Variants in TEX36 observed in about 807,000 individuals in gnomAD.
TEX36 encodes the protein testis expressed 36, also known as testis-expressed protein 36.
In TEX36, 12 loss-of-function variants were observed where a neutral mutation model predicts 13.6. That is an observed-to-expected ratio of 0.88 (90% confidence interval 0.56 to 1.43). The LOEUF (loss-of-function observed/expected upper bound fraction) is 1.43. TEX36 is among the 40% of genes most tolerant of loss of function. The pLI is 0.00. For synonymous variants in TEX36, 93 were observed against 83.0 expected, an observed-to-expected ratio of 1.12 and a Z score of -0.65; for missense variants, 224 against 228.3, an observed-to-expected ratio of 0.98 and a Z score of 0.12.
intron 3 of TEX36, among the ~76,000 whole-genome samples, chr10:125,641,295 T>C (rs1846688607): frequency 6.6e-6 from 1 of 152,236 alleles, no homozygotes; most frequent in East Asian, 1.9e-4. Flanking sequence ...GTCATGGTCC[T>C]AAATGCTAAA....
intron 3 of TEX36, among the ~76,000 whole-genome samples, chr10:125,632,067 A>G (rs966156224): frequency 2.6e-5 from 4 of 152,104 alleles, no homozygotes; most frequent in African/African-American, 9.7e-5. Flanking sequence ...GGGAAGAAGG[A>G]AATGACGAAA....
At chr10:125,667,254 G>A in intron 1 of TEX36, 1 of 626,498 alleles carries the variant, frequency 1.6e-6, no homozygotes, top group African/African-American at 1.8e-5. Context: ...GGGTGACCAT[G>A]CTGGGGTTCA....
chr10:125,606,309 T>C (rs1457106663), intron 3 of TEX36, among the ~76,000 whole-genome samples: 1 of 152,252 alleles, frequency 6.6e-6, no homozygotes, highest in East Asian at 1.9e-4. Context: ...AGACCACATC[T>C]TCCTTTCTGT....
chr10:125,659,484 G>A lies in TEX36; in HGVS notation c.264+1537C>T, dbSNP rs142996230. On this transcript the variant is annotated intron_variant, in intron 3 of 3. Transcript: ENST00000368821. ...TTTATTTTTAATTTTATACAATTCT[G>A]TATGATTTCAGTTTTTTAAAGGACA... Among the ~76,000 whole-genome samples, 79 of 152,282 alleles carry A rather than the reference G, an allele frequency of 5.2e-4. 1 individual carries two copies. In the East Asian group the frequency reaches 0.013, roughly 26 times the overall value.
intron 3 of TEX36, among the ~76,000 whole-genome samples, chr10:125,623,120 T>C (rs1589759376): frequency 6.6e-6 from 1 of 152,324 alleles, no homozygotes; most frequent in African/African-American, 2.4e-5. Flanking sequence ...ATTCAGAGTA[T>C]ACACAGCCTT....
intron 3 of TEX36, among the ~76,000 whole-genome samples, chr10:125,607,039 A>G (rs906255467): frequency 6.6e-6 from 1 of 152,208 alleles, no homozygotes; most frequent in African/African-American, 2.4e-5. Context: ...CTTCATTCAC[A>G]TGCAAATGCT....
chr10:125,621,652 A>G (rs1416520271), intron 3 of TEX36: 1 of 455,910 alleles, frequency 2.2e-6, no homozygotes, highest in Non-Finnish European at 4.4e-6. Flanking sequence ...CAAACTGGGA[A>G]AGAGAAAAGC....
Position 125,656,210 on chromosome 10 carries a change from T to A in TEX36, c.265-14A>T. ...ACGTCCCAGGCCCTGGAGAGAAGAA[T>A]TACAAGATTCGAAGGAAAATATTCA... On this transcript the variant is annotated splice_polypyrimidine_tract_variant and intron_variant, in intron 3 of 3. Transcript: ENST00000368821. 1 of 1,399,530 alleles carries A rather than the reference T, an allele frequency of 7.1e-7. No homozygotes were observed. Among genetic ancestry groups the A allele is most frequent in the East Asian group, 2.7e-5 (1 of 37,720 alleles). The allele number at this position is 1,399,530 out of a possible 1,614,324, so 86.7% of individuals were successfully genotyped here.
At chr10:125,632,994 T>C (rs1315719691) in intron 3 of TEX36, among the ~76,000 whole-genome samples, 2 of 152,080 alleles carry the variant, frequency 1.3e-5, no homozygotes, top group African/African-American at 4.8e-5. Flanking sequence ...CGTAGTGTCA[T>C]ACGCCTGTAA....
chr10:125,661,949 G>A lies in TEX36; in HGVS notation c.80C>T (p.Thr27Ile). The A allele has an allele frequency of 6.4e-7, 1 of 1,552,368 alleles. No homozygotes were observed. Among genetic ancestry groups the A allele is most frequent in the East Asian group, 2.4e-5 (1 of 40,928 alleles). The change falls in exon 2 of 4, where the codon ACA becomes ATA. Residue 27 changes from threonine to isoleucine, a missense_variant. By Grantham distance (89) the Thr-to-Ile change is moderately conservative (BLOSUM62 -1). Coordinates refer to ENST00000368821, the MANE Select transcript of TEX36 (RefSeq NM_001128202.3). ...WFPHIGLTQK[T>I]PESITSATSK... ...CGTAGCACTGGTGATGGATTCTGGT[G>A]TCTTTTGCGTTAGCCCGATGTGAGG... is the stretch of plus-strand genomic sequence containing the variant.
chr10:125,629,798 C>A (rs172465), intron 3 of TEX36, among the ~76,000 whole-genome samples: 17,954 of 152,136 alleles, frequency 0.12, 1,914 homozygotes, highest in African/African-American at 0.28. Context: ...AGAAAATCAT[C>A]AGTGAATTTT....
chr10:125,622,196 A>G (rs1320915924), intron 3 of TEX36, among the ~76,000 whole-genome samples: 3 of 152,242 alleles, frequency 2.0e-5, no homozygotes, highest in African/African-American at 7.2e-5. Flanking sequence ...AATTATGCCT[A>G]ACATAATACA....
intron 3 of TEX36, among the ~76,000 whole-genome samples, chr10:125,639,283 T>A (rs1370763702): frequency 6.6e-6 from 1 of 152,180 alleles, no homozygotes; most frequent in African/African-American, 2.4e-5. Context: ...TGATGACCTT[T>A]CAAAGTACCA....
chr10:125,670,031 A>G (rs1379776871), intron 1 of TEX36, among the ~76,000 whole-genome samples: 2 of 152,180 alleles, frequency 1.3e-5, no homozygotes, highest in Admixed American at 6.5e-5. Flanking sequence ...TGTCTTTGCT[A>G]TTGTGAATAG....
intron 3 of TEX36, among the ~76,000 whole-genome samples, chr10:125,597,815 C>T (rs910985422): frequency 2.2e-4 from 34 of 152,212 alleles, no homozygotes; most frequent in African/African-American, 7.5e-4. Context: ...TTCCATTTGG[C>T]GGGGGGCCTG....
At chr10:125,617,130 A>G (rs1320553956), downstream of TEX36, among the ~76,000 whole-genome samples, 1 of 150,650 alleles carries the variant, frequency 6.6e-6, no homozygotes, top group South Asian at 2.1e-4. Flanking sequence ...TTTGTTTTCC[A>G]TTTGCTTGGT....
At chr10:125,656,473 G>A (rs1846946844) in intron 3 of TEX36, among the ~76,000 whole-genome samples, 1 of 151,854 alleles carries the variant, frequency 6.6e-6, no homozygotes, top group African/African-American at 2.4e-5. Flanking sequence ...GCCCAGGTTG[G>A]TTTTGAACTC....
intron 3 of TEX36, among the ~76,000 whole-genome samples, chr10:125,577,573 TG>T (rs1379079191): frequency 6.6e-5 from 10 of 152,244 alleles, no homozygotes; most frequent in African/African-American, 1.9e-4. Context: ...ATTTAAAATG[TG>T]GAGTGAAAAC....
At chr10:125,676,243 G>A (rs998445607) in intron 1 of TEX36, among the ~76,000 whole-genome samples, 1 of 152,182 alleles carries the variant, frequency 6.6e-6, no homozygotes, top group Non-Finnish European at 1.5e-5. Context: ...TTGCATTGCA[G>A]TCCATTTCTT....
Sources: gnomAD v4.1 joint callset for allele counts (sites outside exome capture counted in the v4.1 genomes callset) on GRCh38, gnomAD v4.1.1 for gene constraint, MANE v1.5 for transcripts, NCBI Gene and HGNC (gene_info 2026-07-23, HGNC 2026-07-21) for gene names.